CACNA1S: variants seen among roughly 807,000 people sequenced by gnomAD.
CACNA1S encodes calcium voltage-gated channel subunit alpha1 S.
Under a neutral mutation model 207.4 loss-of-function variants are expected in CACNA1S, and 126 were observed. That is an observed-to-expected ratio of 0.61 (90% CI 0.53 to 0.70). CACNA1S has a LOEUF of 0.70. CACNA1S is among the 30% of genes least tolerant of loss of function. The pLI, the probability that CACNA1S is intolerant of heterozygous loss-of-function variation, is 0.00. For missense variants in CACNA1S, 2,349 were observed against 2,422.8 expected (o/e 0.97, Z 0.64); for synonymous variants, 960 against 932.7 (o/e 1.03, Z -0.53).
intron 38 of CACNA1S, among the ~76,000 whole-genome samples, chr1:201,045,734 CAAAAAAAAA>C (rs56958698): frequency 9.8e-4 from 71 of 72,652 alleles, no homozygotes; most frequent in African/African-American, 3.7e-3. Flanking sequence ...CTCTTGTCTC[CAAAAAAAAA>C]AAAAAAAAAA....
chr1:201,100,221 G>A (rs1007480529), intron 2 of CACNA1S, among the ~76,000 whole-genome samples: 12 of 152,222 alleles, frequency 7.9e-5, no homozygotes, highest in African/African-American at 2.2e-4. Context: ...GGTTTGCTCC[G>A]GCTGTGCTGT....
chr1:201,061,281 G>T lies in CACNA1S; in HGVS notation c.3241C>A (p.Leu1081Met), dbSNP rs769244010. ...AGCCCAGGCACCTGGTTCTTGTCCA[G>T]CTCACAGTTCTTGTACTCAGTCTCT... ...QGETEYKNCE[L>M]DKNQRQCVQY... Residue 1081 changes from leucine to methionine, a missense_variant, in exon 25 of 44, where the codon CTG (leucine) becomes ATG (methionine). Transcript: ENST00000362061. 1.2e-6 allele frequency: 2 copies of T among 1,614,116 alleles called. No individual in the cohort carries two copies. Among genetic ancestry groups the T allele is most frequent in the South Asian group, 1.1e-5 (1 of 91,080 alleles).
In CACNA1S at chr1:201,110,225, A is replaced by T; in HGVS notation, c.197T>A (p.Val66Glu). The change falls in exon 2 of 44, where the codon GTG (valine) becomes GAG (glutamate). Residue 66 changes from valine to glutamate, a missense_variant. Transcript: ENST00000362061. ...CATGGGCAGGTACACGGCCAGGGCC[A>T]CACAATTGGCAAAGATGGTGAGCAA... ...IILLTIFANCVALAVYLPMPE... is the reference protein window; with the variant it reads ...IILLTIFANCEALAVYLPMPE... 1 of 1,614,198 alleles carries T rather than the reference A, an allele frequency of 6.2e-7. No homozygotes were observed. The highest frequency in any genetic ancestry group is 8.5e-7 in the Non-Finnish European group (1 of 1,180,012).
At chr1:201,096,452 T>C (rs1197263402) in intron 2 of CACNA1S, among the ~76,000 whole-genome samples, 3 of 152,312 alleles carry the variant, frequency 2.0e-5, no homozygotes, top group East Asian at 3.9e-4. Flanking sequence ...GGGATAGTCA[T>C]TCCACAGATA....
At position 201,092,041 on chromosome 1, in the gene CACNA1S, C is replaced by T. The variant is rs373218444; in HGVS notation, c.472G>A (p.Gly158Ser). The T allele has an allele frequency of 3.7e-6, 6 of 1,613,954 alleles. No homozygotes were observed. The East Asian group carries it at 6.7e-5, about 18-fold the overall frequency. Residue 158 changes from glycine to serine, a missense_variant, in exon 4 of 44, where the codon GGC (glycine) becomes AGC (serine). By Grantham distance (56) the Gly-to-Ser change is moderately conservative. Transcript: ENST00000362061. ...HTAPMSSKGAGLDVKALRAFR... is the reference protein window; with the variant it reads ...HTAPMSSKGASLDVKALRAFR... ...GCTCTGAGGGCCTTGACATCCAAGC[C>T]GGCTCCTTTGCTGCTCATTGGGGCT...
intron 34 of CACNA1S, 27 bp downstream of exon 34, chr1:201,050,362 A>T: frequency 6.2e-7 from 1 of 1,613,738 alleles, no homozygotes; most frequent in Non-Finnish European, 8.5e-7. Context: ...TGGAGGGCCC[A>T]GCACAGAGCC....
intron 34 of CACNA1S, among the ~76,000 whole-genome samples, 165 bp downstream of exon 34, chr1:201,050,224 C>A (rs1660605346): frequency 6.6e-6 from 1 of 152,132 alleles, no homozygotes; most frequent in African/African-American, 2.4e-5. Context: ...TGTAGGATTC[C>A]CTCCAACCTG....
chr1:201,103,788 C>T (rs1377404488), intron 2 of CACNA1S, among the ~76,000 whole-genome samples: 1 of 152,162 alleles, frequency 6.6e-6, no homozygotes, highest in East Asian at 1.9e-4. Context: ...CAAGAGTTGG[C>T]GAGCGCATTC....
Position 201,072,744 on chromosome 1 carries a change from A to G in CACNA1S, c.2227+11T>C, listed in dbSNP as rs777522474. 39 of 1,609,380 alleles carry G rather than the reference A, an allele frequency of 2.4e-5. No homozygotes were observed. Among genetic ancestry groups the G allele is most frequent in the Non-Finnish European group, 3.1e-5 (37 of 1,175,816 alleles). On this transcript the variant is annotated intron_variant, in intron 16 of 43. Coordinates refer to ENST00000362061, the MANE Select transcript of CACNA1S (RefSeq NM_000069.3). ...AGCACCCTGCTCCAGTCCAGTCTCCAGCATCCTCACCTGGGAAGTCGGCTG... is the reference window on the plus strand; with the variant it reads ...AGCACCCTGCTCCAGTCCAGTCTCCGGCATCCTCACCTGGGAAGTCGGCTG...
At chr1:201,109,487 A>G (rs1380883178) in intron 2 of CACNA1S, among the ~76,000 whole-genome samples, 2 of 152,230 alleles carry the variant, frequency 1.3e-5, no homozygotes, top group Non-Finnish European at 2.9e-5. Context: ...ACTAAATGCT[A>G]GCCATTTTTA....
intron 10 of CACNA1S, among the ~76,000 whole-genome samples, chr1:201,081,065 C>T (rs1328705477): frequency 6.6e-6 from 1 of 152,174 alleles, no homozygotes; most frequent in African/African-American, 2.4e-5. Flanking sequence ...AGCTCATTTC[C>T]TGGCCCAGTG....
intron 5 of CACNA1S, among the ~76,000 whole-genome samples, chr1:201,090,406 G>A (rs1342544949): frequency 2.0e-5 from 3 of 152,194 alleles, no homozygotes; most frequent in Middle Eastern, 3.2e-3. Flanking sequence ...GCTGAAATGG[G>A]AGGGGTCTAG....
At chr1:201,096,290 T>C (rs1291954052) in intron 2 of CACNA1S, among the ~76,000 whole-genome samples, 1 of 152,080 alleles carries the variant, frequency 6.6e-6, no homozygotes, top group Non-Finnish European at 1.5e-5. Context: ...TACCATACAA[T>C]CCCTGTGTGT....
chr1:201,096,314 G>A (rs565427414), intron 2 of CACNA1S, among the ~76,000 whole-genome samples: 1 of 152,352 alleles, frequency 6.6e-6, no homozygotes, highest in African/African-American at 2.4e-5. Context: ...CACAGTGTGA[G>A]CCCCCGTTCC....
At chr1:201,047,709 G>A (rs1327819820) in intron 36 of CACNA1S, 83 bp from the exon 37 acceptor site, 1 of 896,640 alleles carries the variant, frequency 1.1e-6, no homozygotes, top group African/African-American at 1.6e-5. Context: ...GAACCTTTCA[G>A]ACAGCCAGTC....
chr1:201,094,067 T>A lies in CACNA1S; in HGVS notation c.259-46A>T, dbSNP rs372365835. ...ACAGCATGCCTCTGTGCTCTCTGAG[T>A]GCACCCTTGCTCTCTTCCCTGCAGC... is the stretch of plus-strand genomic sequence containing the variant. On this transcript the variant is annotated intron_variant, in intron 2 of 43. Transcript: ENST00000362061. 4 of 1,611,614 alleles carry A rather than the reference T, an allele frequency of 2.5e-6. No individual in the cohort carries two copies. The East Asian group carries it at 8.9e-5, about 36-fold the overall frequency.
rs3767500 is a variant in CACNA1S at position 201,053,906 on chromosome 1, C to G, written c.3667-319G>C. Among the ~76,000 whole-genome samples, 64,928 of 151,992 alleles carry G rather than the reference C, an allele frequency of 0.43. 15,005 individuals carry two copies. The highest frequency in any genetic ancestry group is 0.66 in the South Asian group (3,161 of 4,824). ...CCCACTGCCTGCCCTCTGGGACCTG[C>G]TGCACATCTCACAATCTCCTCAAGC... On this transcript the variant is annotated intron_variant, in intron 29 of 43. Coordinates refer to ENST00000362061, the MANE Select transcript of CACNA1S (RefSeq NM_000069.3). The surrounding 1 kb of genome is among the most constrained non-coding windows in gnomAD (Gnocchi z 5.1).
chr1:201,088,953 T>C (rs1186722712), intron 6 of CACNA1S, among the ~76,000 whole-genome samples: 1 of 152,260 alleles, frequency 6.6e-6, no homozygotes, highest in Non-Finnish European at 1.5e-5. Context: ...TGTGAAATTC[T>C]AAGCCATCAG....
intron 2 of CACNA1S, among the ~76,000 whole-genome samples, chr1:201,098,492 C>A (rs1662519419): frequency 6.6e-6 from 1 of 152,038 alleles, no homozygotes; most frequent in African/African-American, 2.4e-5. Context: ...ATGTATCAGG[C>A]CATGATGGAG....
Sources: allele counts gnomAD v4.1 joint callset (sites outside exome capture counted in the v4.1 genomes callset), GRCh38; gene constraint gnomAD v4.1.1; non-coding constraint Gnocchi (gnomAD v3.1); transcripts MANE v1.5; gene names NCBI Gene and HGNC (gene_info 2026-07-23, HGNC 2026-07-21).